The following CACNA1D variants were observed in gnomAD, a reference collection of about 807,000 sequenced individuals.
CACNA1D encodes the protein calcium voltage-gated channel subunit alpha1 D, also known as voltage-dependent L-type calcium channel subunit alpha-1D.
A neutral mutation model predicts 257.1 loss-of-function variants in CACNA1D; 55 were observed. The observed-to-expected ratio is 0.21, with a 90% CI of 0.17 to 0.27. The LOEUF (loss-of-function observed/expected upper bound fraction) is 0.27. CACNA1D is among the 10% of genes least tolerant of loss of function. The pLI is 1.00. For missense variants in CACNA1D, 1,876 were observed against 2,784.0 expected (o/e 0.67, Z 7.34); for synonymous variants, 980 against 1,014.9 (o/e 0.97, Z 0.65).
At chr3:53,788,041 C>T (rs1427741632) in intron 40 of CACNA1D, among the ~76,000 whole-genome samples, 2 of 152,110 alleles carry the variant, frequency 1.3e-5, no homozygotes, top group South Asian at 2.1e-4. Context: ...AAATGCGCAG[C>T]GTTGTGTGTT....
chr3:53,509,880 T>C (rs2091035377), intron 3 of CACNA1D, among the ~76,000 whole-genome samples: 1 of 152,210 alleles, frequency 6.6e-6, no homozygotes, highest in Non-Finnish European at 1.5e-5. Flanking sequence ...TTTACAGCTA[T>C]AAGAGGACGT....
At chr3:53,754,295 G>A (rs1413433181) in intron 29 of CACNA1D, among the ~76,000 whole-genome samples, 1 of 152,226 alleles carries the variant, frequency 6.6e-6, no homozygotes, top group African/African-American at 2.4e-5. Flanking sequence ...CTTTGGGAGG[G>A]AGTGAATTCA....
intron 3 of CACNA1D, among the ~76,000 whole-genome samples, chr3:53,627,645 T>A (rs1576149482): frequency 6.7e-6 from 1 of 149,686 alleles, no homozygotes; most frequent in East Asian, 2.0e-4. Flanking sequence ...AAAGGGATGG[T>A]TGATTATAAA....
intron 8 of CACNA1D, among the ~76,000 whole-genome samples, chr3:53,682,364 G>T (rs2108471469): frequency 9.2e-5 from 2 of 21,838 alleles, no homozygotes; most frequent in Non-Finnish European, 6.9e-5. Flanking sequence ...TTTGTCTCTG[G>T]TAAAAAAAAA....
At chr3:53,670,225 A>G (rs544923887) in intron 7 of CACNA1D, among the ~76,000 whole-genome samples, 144 of 152,294 alleles carry the variant, frequency 9.5e-4, no homozygotes, top group African/African-American at 2.9e-3. Flanking sequence ...TTCTTATTGC[A>G]TGCTCTGGGG....
chr3:53,640,060 C>T (rs1030105370), intron 3 of CACNA1D, among the ~76,000 whole-genome samples: 7 of 151,830 alleles, frequency 4.6e-5, no homozygotes, highest in African/African-American at 1.5e-4. Flanking sequence ...TAGGTTTCAC[C>T]GTGTTTGGCC....
chr3:53,808,682 T>C lies in CACNA1D; in HGVS notation c.5783T>C (p.Leu1928Pro). ...HRRSSFNFEC[L>P]RRQSSQEEVP... ...AGATCCTCCTTCAACTTTGAGTGCC[T>C]GCGCCGGCAGAGCAGCCAGGAAGAG... The change falls in exon 46 of 48, where the codon CTG (leucine) becomes CCG (proline). Residue 1928 changes from leucine (L) to proline (P), a missense_variant. Leu to Pro is a moderately conservative substitution (Grantham distance 98, BLOSUM62 -3). Transcript: ENST00000350061. 1 of 1,609,388 alleles carries C rather than the reference T, an allele frequency of 6.2e-7. No individual in the cohort carries two copies. Among genetic ancestry groups the C allele is most frequent in the East Asian group, 2.2e-5 (1 of 44,860 alleles).
At chr3:53,646,850 C>T (rs2094026668) in intron 3 of CACNA1D, among the ~76,000 whole-genome samples, 1 of 152,204 alleles carries the variant, frequency 6.6e-6, no homozygotes, top group African/African-American at 2.4e-5. Flanking sequence ...ATTCATGCCA[C>T]AGCACTAATA....
chr3:53,769,449 C>A (rs1464029880), intron 30 of CACNA1D, among the ~76,000 whole-genome samples: 2 of 152,222 alleles, frequency 1.3e-5, no homozygotes, highest in Non-Finnish European at 1.5e-5. Flanking sequence ...TTTTCAGCAG[C>A]CCTGCCTAAG....
At chr3:53,622,985 G>A (rs941966718) in intron 3 of CACNA1D, among the ~76,000 whole-genome samples, 28 of 151,724 alleles carry the variant, frequency 1.8e-4, no homozygotes, top group African/African-American at 6.5e-4. Flanking sequence ...TCTGCCTCCC[G>A]GGTTCAAGCC....
chr3:53,586,989 AAG>A (rs2093228984), intron 3 of CACNA1D, among the ~76,000 whole-genome samples: 2 of 152,254 alleles, frequency 1.3e-5, no homozygotes, highest in African/African-American at 4.8e-5. Context: ...TTGCTGGGTG[AAG>A]AGAGTCAGGA....
chr3:53,809,542 G>A (rs58956730), intron 46 of CACNA1D: 15,975 of 255,626 alleles, frequency 0.062, 892 homozygotes, highest in East Asian at 0.24. Context: ...GCCAAATGCC[G>A]GCTCTAGGAT....
intron 3 of CACNA1D, among the ~76,000 whole-genome samples, chr3:53,616,616 A>G (rs2093640066): frequency 6.6e-6 from 1 of 152,152 alleles, no homozygotes; most frequent in Non-Finnish European, 1.5e-5. Context: ...CTAGGAGGAA[A>G]TGCACTATGC....
intron 8 of CACNA1D, among the ~76,000 whole-genome samples, chr3:53,682,340 C>A (rs560251237): frequency 4.5e-5 from 5 of 111,740 alleles, no homozygotes; most frequent in Non-Finnish European, 8.4e-5. Flanking sequence ...CCAGCCTGGG[C>A]GACATAGCGA....
Position 53,690,235 on chromosome 3 carries a change from G to A in CACNA1D, c.1221-12406G>A, listed in dbSNP as rs561551953. ...GAGAGGAAACCCGCTGTGGGACCCTGTCTTCCCAGCCTGGGTCTGTGCTCG... is the reference window on the plus strand; with the variant it reads ...GAGAGGAAACCCGCTGTGGGACCCTATCTTCCCAGCCTGGGTCTGTGCTCG... On this transcript the variant is annotated intron_variant, in intron 8 of 47. Transcript: ENST00000350061. 2.0e-5 allele frequency among the ~76,000 whole-genome samples: 3 copies of A among 152,340 alleles called. No homozygotes were observed. In the South Asian group the frequency reaches 6.2e-4, roughly 32 times the overall value.
intron 3 of CACNA1D, among the ~76,000 whole-genome samples, chr3:53,548,188 T>C (rs2092452921): frequency 6.6e-6 from 1 of 152,184 alleles, no homozygotes; most frequent in African/African-American, 2.4e-5. Context: ...CCCTGAAAGA[T>C]CACTTGGCAG....
At chr3:53,769,407 T>C (rs1332714714) in intron 30 of CACNA1D, among the ~76,000 whole-genome samples, 1 of 152,188 alleles carries the variant, frequency 6.6e-6, no homozygotes, top group Non-Finnish European at 1.5e-5. Flanking sequence ...AGCCTGCCTC[T>C]CTCCTCCTCG....
chr3:53,666,158 T>C (rs556878037), intron 6 of CACNA1D, among the ~76,000 whole-genome samples, 181 bp from the exon 7 acceptor site: 2 of 151,486 alleles, frequency 1.3e-5, no homozygotes, highest in East Asian at 3.9e-4. Flanking sequence ...CAAGAGGAAA[T>C]GGCAGATTCC....
In CACNA1D at chr3:53,718,318, G is replaced by A. The variant is rs2094842412; in HGVS notation, c.1408G>A (p.Glu470Lys). ...CCCCACAGCTAGCATGCCCACCAGC[G>A]AGACTGAGTCTGTGAACACAGAGAA... is the stretch of plus-strand genomic sequence containing the variant. ...GKRNTSMPTS[E>K]TESVNTENVS... is the part of the protein sequence containing the mutation. The change falls in exon 10 of 48, where the codon GAG (glutamate) becomes AAG (lysine). Residue 470 changes from glutamate to lysine, a missense_variant. Transcript: ENST00000350061. 3 of 1,614,122 alleles carry A rather than the reference G, an allele frequency of 1.9e-6. No individual in the cohort carries two copies. The highest frequency in any genetic ancestry group is 1.7e-5 in the Admixed American group (1 of 60,034).
Sources: allele counts gnomAD v4.1 joint callset (sites outside exome capture counted in the v4.1 genomes callset), GRCh38; gene constraint gnomAD v4.1.1; transcripts MANE v1.5; gene names NCBI Gene and HGNC (gene_info 2026-07-23, HGNC 2026-07-21).